NRG2: variants seen among roughly 807,000 people sequenced by gnomAD.
The protein encoded by NRG2 is neuregulin 2, also known as pro-neuregulin-2, membrane-bound isoform.
In NRG2, 27 loss-of-function variants were observed where a neutral mutation model predicts 73.9. That is an observed-to-expected ratio of 0.37 (90% CI 0.27 to 0.50). The LOEUF (loss-of-function observed/expected upper bound fraction) is 0.50. NRG2 is among the 20% of genes least tolerant of loss of function. The pLI is 0.96. For missense variants in NRG2, 1,126 were observed against 1,210.1 expected (o/e 0.93, Z 1.03); for synonymous variants, 532 against 541.0 (o/e 0.98, Z 0.23).
chr5:139,858,231 G>A (rs906372062), intron 5 of NRG2, among the ~76,000 whole-genome samples: 3 of 152,156 alleles, frequency 2.0e-5, no homozygotes, highest in Non-Finnish European at 4.4e-5. Flanking sequence ...CAGAGATGCT[G>A]GAAGTCTCTC....
intron 1 of NRG2, among the ~76,000 whole-genome samples, chr5:140,012,378 A>T (rs1449939770): frequency 2.0e-5 from 3 of 152,210 alleles, no homozygotes; most frequent in Non-Finnish European, 4.4e-5. Context: ...CAGGGCACAC[A>T]TCTGTCATTC....
At chr5:139,950,776 C>T (rs1237893578) in intron 1 of NRG2, among the ~76,000 whole-genome samples, 1 of 152,178 alleles carries the variant, frequency 6.6e-6, no homozygotes, top group African/African-American at 2.4e-5. Flanking sequence ...AGGGACCTAA[C>T]CTGAATGGAC....
intron 1 of NRG2, among the ~76,000 whole-genome samples, chr5:139,944,430 T>C (rs1344874811): frequency 6.6e-6 from 1 of 152,194 alleles, no homozygotes; most frequent in African/African-American, 2.4e-5. Flanking sequence ...TCCCAGCCTC[T>C]AGTATCCTCT....
chr5:139,874,512 C>T (rs1471141873), intron 3 of NRG2, among the ~76,000 whole-genome samples: 1 of 152,220 alleles, frequency 6.6e-6, no homozygotes, highest in Admixed American at 6.5e-5. Context: ...CCTCAAGAGA[C>T]TCCATCCATG....
At chr5:139,941,477 A>G (rs1753397979) in intron 1 of NRG2, among the ~76,000 whole-genome samples, 1 of 152,142 alleles carries the variant, frequency 6.6e-6, no homozygotes, top group African/African-American at 2.4e-5. Context: ...CTGATCTGTA[A>G]TGAGATCTGA....
At chr5:139,948,009 T>C (rs1214534092) in intron 1 of NRG2, among the ~76,000 whole-genome samples, 1 of 152,190 alleles carries the variant, frequency 6.6e-6, no homozygotes, top group Non-Finnish European at 1.5e-5. Flanking sequence ...CCATTCTCCA[T>C]CTCCAGAGCT....
intron 1 of NRG2, among the ~76,000 whole-genome samples, chr5:140,013,954 T>A (rs1390134603): frequency 6.6e-6 from 1 of 152,224 alleles, no homozygotes; most frequent in East Asian, 1.9e-4. Context: ...TCTCTAACCC[T>A]TTAATATTGT....
chr5:140,024,076 G>C (rs1420918099), intron 1 of NRG2, among the ~76,000 whole-genome samples: 3 of 151,970 alleles, frequency 2.0e-5, no homozygotes, highest in Non-Finnish European at 4.4e-5. Flanking sequence ...CCCTTCTCTG[G>C]AATCCAGAAA....
At chr5:139,902,937 C>T (rs527903608) in intron 1 of NRG2, among the ~76,000 whole-genome samples, 2 of 152,278 alleles carry the variant, frequency 1.3e-5, no homozygotes, top group Non-Finnish European at 2.9e-5. Flanking sequence ...GAGCTTTTCT[C>T]TTAAAAAGAA....
chr5:139,900,280 A>G (rs1400859712), intron 1 of NRG2, among the ~76,000 whole-genome samples: 1 of 152,206 alleles, frequency 6.6e-6, no homozygotes, highest in Admixed American at 6.5e-5. Flanking sequence ...GAGCTTCCTG[A>G]AGACAGGGCC....
chr5:139,982,146 G>A (rs1756850472), intron 1 of NRG2, among the ~76,000 whole-genome samples: 1 of 152,116 alleles, frequency 6.6e-6, no homozygotes, highest in Non-Finnish European at 1.5e-5. Context: ...CACTCTAGGG[G>A]TTCTTTCTAC....
intron 1 of NRG2, among the ~76,000 whole-genome samples, chr5:139,908,187 G>T (rs948568978): frequency 6.6e-6 from 1 of 152,248 alleles, no homozygotes; most frequent in African/African-American, 2.4e-5. Flanking sequence ...CACTTGGACT[G>T]CCAGCTGAGG....
chr5:139,883,388 T>C (rs1263365270), intron 2 of NRG2, among the ~76,000 whole-genome samples: 1 of 150,152 alleles, frequency 6.7e-6, no homozygotes, highest in African/African-American at 2.4e-5. Flanking sequence ...CAAGGGAACA[T>C]GCGATTCTGC....
intron 1 of NRG2, among the ~76,000 whole-genome samples, chr5:139,938,079 C>T (rs385616): frequency 0.22 from 33,568 of 151,656 alleles, 4,857 homozygotes; most frequent in African/African-American, 0.41. Flanking sequence ...ACCTTGTCTA[C>T]GAAAAAATAA....
At chr5:139,867,694 A>G (rs1458599428) in intron 4 of NRG2, among the ~76,000 whole-genome samples, 1 of 151,852 alleles carries the variant, frequency 6.6e-6, no homozygotes, top group African/African-American at 2.4e-5. Flanking sequence ...CCACAAAGGA[A>G]CAAGAAAGAG....
At chr5:140,038,566 T>A (rs1761679667) in intron 1 of NRG2, among the ~76,000 whole-genome samples, 1 of 152,212 alleles carries the variant, frequency 6.6e-6, no homozygotes, top group Admixed American at 6.5e-5. Flanking sequence ...ATGTCACAGG[T>A]CAGAGAGTTA....
At chr5:139,885,059 A>G (rs1763777209) in intron 2 of NRG2, among the ~76,000 whole-genome samples, 1 of 152,132 alleles carries the variant, frequency 6.6e-6, no homozygotes, top group Non-Finnish European at 1.5e-5. Flanking sequence ...GGCCTTCAGA[A>G]TCAGAAATGT....
chr5:140,007,343 G>A (rs1385328500), intron 1 of NRG2, among the ~76,000 whole-genome samples: 2 of 151,938 alleles, frequency 1.3e-5, no homozygotes, highest in Non-Finnish European at 2.9e-5. Context: ...AGACCCCAGG[G>A]GATAAAGCAT....
intron 1 of NRG2, among the ~76,000 whole-genome samples, chr5:139,906,386 T>C (rs1414337009): frequency 6.6e-6 from 1 of 152,136 alleles, no homozygotes; most frequent in Non-Finnish European, 1.5e-5. Flanking sequence ...CTCATGGGTG[T>C]CCAAAGCCCT....
Sources: gnomAD v4.1 joint callset for allele counts (sites outside exome capture counted in the v4.1 genomes callset) on GRCh38, gnomAD v4.1.1 for gene constraint, MANE v1.5 for transcripts, NCBI Gene and HGNC (gene_info 2026-07-23, HGNC 2026-07-21) for gene names.